The following SLC10A7 variants were observed in gnomAD, a reference collection of about 807,000 sequenced individuals.
SLC10A7 encodes sodium/bile acid cotransporter 7.
In SLC10A7, 29 loss-of-function variants were observed where a neutral mutation model predicts 43.2. The observed-to-expected ratio is 0.67, with a 90% CI of 0.50 to 0.92. The LOEUF is 0.92. Ranked by LOEUF, SLC10A7 falls within the 40% of genes least tolerant of loss-of-function variation. The probability of loss-of-function intolerance (pLI) is 0.00; values close to 1 mark genes in which losing one functional copy is unlikely to be tolerated. For synonymous variants in SLC10A7, 152 were observed against 144.8 expected, an observed-to-expected ratio of 1.05 and a Z score of -0.35; for missense variants, 295 against 403.2, an observed-to-expected ratio of 0.73 and a Z score of 2.30.
In SLC10A7 at chr4:146,263,141, A is replaced by C. The variant is rs566524103; in HGVS notation, c.848-4304T>G. Among the ~76,000 whole-genome samples, 38 of 151,300 alleles carry C rather than the reference A, an allele frequency of 2.5e-4. No individual in the cohort carries two copies. In the South Asian group the frequency reaches 8.0e-3, roughly 32 times the overall value. On this transcript the variant is annotated intron_variant, in intron 10 of 11. Transcript: ENST00000335472. The stretch of plus-strand genomic sequence containing the variant: ...TCATCACCCATTCATGACCCACCCA[A>C]CTCCTCTGTATCCTTTAGCTCTCAG...
chr4:146,487,446 A>T (rs925217242), intron 4 of SLC10A7, among the ~76,000 whole-genome samples: 2 of 152,220 alleles, frequency 1.3e-5, no homozygotes, highest in African/African-American at 4.8e-5. Flanking sequence ...ACAAGTGCTC[A>T]ATAATTTGTT....
intron 5 of SLC10A7, among the ~76,000 whole-genome samples, chr4:146,358,932 A>G (rs1332031030): frequency 2.0e-5 from 3 of 152,180 alleles, no homozygotes; most frequent in Non-Finnish European, 2.9e-5. Flanking sequence ...TATGTTTAAC[A>G]TTAGTAGATG....
intron 5 of SLC10A7, among the ~76,000 whole-genome samples, chr4:146,388,654 G>A (rs1738181456): frequency 6.6e-6 from 1 of 151,968 alleles, no homozygotes; most frequent in African/African-American, 2.4e-5. Flanking sequence ...AGCTACTCAA[G>A]AGGCTGAGGC....
At chr4:146,336,448 T>C (rs1466703344) in intron 5 of SLC10A7, among the ~76,000 whole-genome samples, 2 of 152,102 alleles carry the variant, frequency 1.3e-5, no homozygotes, top group African/African-American at 4.8e-5. Context: ...ATATCAAAAT[T>C]ACTAGTTAAT....
chr4:146,406,364 T>C (rs1461625952), intron 5 of SLC10A7, among the ~76,000 whole-genome samples: 1 of 152,238 alleles, frequency 6.6e-6, no homozygotes, highest in Non-Finnish European at 1.5e-5. Context: ...AAAATTTTGC[T>C]TTTAAGCCTA....
intron 5 of SLC10A7, among the ~76,000 whole-genome samples, chr4:146,410,491 G>C (rs1179670170): frequency 5.9e-5 from 9 of 152,126 alleles, no homozygotes; most frequent in Admixed American, 5.9e-4. Context: ...CCTACAATGA[G>C]CCAGGCCGAC....
chr4:146,485,123 A>T lies in SLC10A7; in HGVS notation c.396+18726T>A, dbSNP rs527760741. 4.1e-4 allele frequency among the ~76,000 whole-genome samples: 63 copies of T among 152,234 alleles called. 1 individual carries two copies. Among genetic ancestry groups the T allele is most frequent in the Admixed American group, 2.1e-3 (32 of 15,280 alleles). On this transcript the variant is annotated intron_variant, in intron 4 of 11. Coordinates refer to ENST00000335472, the MANE Select transcript of SLC10A7 (RefSeq NM_001029998.6). ...AAACAGTAAAACTTAGGATAACCAA[A>T]CCAACTTCCTATTGTGTCTATCTCC... is the stretch of plus-strand genomic sequence containing the variant.
rs34522588 is a variant in SLC10A7 at position 146,335,251 on chromosome 4, T to TAAAAAAAAA, written c.436-9264_436-9256dup. 1.8e-4 allele frequency among the ~76,000 whole-genome samples: 17 copies of TAAAAAAAAA among 92,656 alleles called. No individual in the cohort carries two copies. The South Asian group carries it at 3.9e-3, about 21-fold the overall frequency. 60.8% of individuals were successfully genotyped at this position (92,656 alleles called of 152,430 possible). A position where few individuals can be genotyped will look rare whatever the true frequency, so the allele number is the denominator to read the frequency against. On this transcript the variant is annotated intron_variant, in intron 5 of 11. Transcript: ENST00000335472. The stretch of plus-strand genomic sequence containing the variant: ...CATTAAAGTGTTGCCACAGATGTTG[T>TAAAAAAAAA]AAAAAAAAAAAAAAAAAAAAAAAAA...
chr4:146,393,347 A>C (rs1738588315), intron 5 of SLC10A7, among the ~76,000 whole-genome samples: 1 of 152,154 alleles, frequency 6.6e-6, no homozygotes, highest in Non-Finnish European at 1.5e-5. Context: ...CAGATGTGAA[A>C]ATGAGTCCTA....
chr4:146,510,973 G>A (rs1737406410), intron 2 of SLC10A7, among the ~76,000 whole-genome samples: 1 of 152,122 alleles, frequency 6.6e-6, no homozygotes, highest in Non-Finnish European at 1.5e-5. Context: ...GCCATAATCT[G>A]AGCTTGTCAC....
intron 4 of SLC10A7, among the ~76,000 whole-genome samples, chr4:146,457,820 A>G (rs1732202888): frequency 6.6e-6 from 1 of 151,950 alleles, no homozygotes; most frequent in Non-Finnish European, 1.5e-5. Context: ...ATTACCTATC[A>G]AAGACATTAA....
At chr4:146,368,346 T>A (rs563947293) in intron 5 of SLC10A7, among the ~76,000 whole-genome samples, 5 of 152,194 alleles carry the variant, frequency 3.3e-5, no homozygotes, top group African/African-American at 1.2e-4. Context: ...AATGCCCATG[T>A]GTTGACAGCT....
chr4:146,415,354 G>A (rs953776174), intron 5 of SLC10A7, among the ~76,000 whole-genome samples: 2 of 152,144 alleles, frequency 1.3e-5, no homozygotes, highest in Admixed American at 1.3e-4. Flanking sequence ...TGAATCTCAA[G>A]TTCATCATCT....
chr4:146,357,608 GGTAGAA>G (rs576942251), intron 5 of SLC10A7, among the ~76,000 whole-genome samples: 3 of 152,194 alleles, frequency 2.0e-5, no homozygotes, highest in Non-Finnish European at 4.4e-5. Context: ...ATACGTGAAA[GGTAGAA>G]GTAAGATTGG....
At chr4:146,433,142 T>C (rs532738728) in intron 5 of SLC10A7, among the ~76,000 whole-genome samples, 4 of 150,610 alleles carry the variant, frequency 2.7e-5, no homozygotes, top group Admixed American at 1.3e-4. Flanking sequence ...TTGCAAGATA[T>C]ATAACATTCA....
At chr4:146,350,985 T>C (rs577030584) in intron 5 of SLC10A7, among the ~76,000 whole-genome samples, 176 of 149,566 alleles carry the variant, frequency 1.2e-3, no homozygotes, top group African/African-American at 3.7e-3. Flanking sequence ...CTCTCCTCCT[T>C]CAAAGGAACG....
At chr4:146,439,570 T>C (rs557459305) in intron 5 of SLC10A7, among the ~76,000 whole-genome samples, 2 of 152,110 alleles carry the variant, frequency 1.3e-5, no homozygotes, top group Non-Finnish European at 2.9e-5. Flanking sequence ...TGGATATCCA[T>C]AGTCACACCC....
intron 5 of SLC10A7, among the ~76,000 whole-genome samples, chr4:146,440,749 C>T (rs1472583022): frequency 2.0e-5 from 3 of 152,096 alleles, no homozygotes; most frequent in Non-Finnish European, 2.9e-5. Flanking sequence ...CACTCTCAAA[C>T]TCTCTCTGGT....
intron 6 of SLC10A7, among the ~76,000 whole-genome samples, chr4:146,312,643 T>C (rs184384263): frequency 2.8e-3 from 434 of 152,290 alleles, no homozygotes; most frequent in Non-Finnish European, 2.4e-3. Context: ...TTTGACTCTT[T>C]TAGATTCCAC....
Sources: gnomAD v4.1 joint callset for allele counts (sites outside exome capture counted in the v4.1 genomes callset) on GRCh38, gnomAD v4.1.1 for gene constraint, MANE v1.5 for transcripts, NCBI Gene and HGNC (gene_info 2026-07-23, HGNC 2026-07-21) for gene names.